The following NCAM2 variants were observed in gnomAD, a reference collection of about 807,000 sequenced individuals.
NCAM2 encodes the protein neural cell adhesion molecule 2.
Under a neutral mutation model 98.1 loss-of-function variants are expected in NCAM2, and 30 were observed. The ratio of observed to expected loss-of-function variants is 0.31; its 90% CI spans 0.23 to 0.41. The LOEUF (loss-of-function observed/expected upper bound fraction) is 0.41. Among genes scored for constraint, NCAM2 ranks in the 10% least tolerant of loss-of-function variants. The pLI, the probability that NCAM2 is intolerant of heterozygous loss-of-function variation, is 1.00. For missense variants in NCAM2, 867 were observed against 1,005.8 expected (o/e 0.86, Z 1.87); for synonymous variants, 368 against 342.4 (o/e 1.07, Z -0.83).
chr21:21,513,680 T>G (rs953732742), intron 16 of NCAM2, among the ~76,000 whole-genome samples: 2 of 152,166 alleles, frequency 1.3e-5, no homozygotes, highest in East Asian at 3.8e-4. Context: ...AAAACGTGGA[T>G]GAAATGTTCT....
chr21:21,405,498 A>G (rs541016467), intron 9 of NCAM2, among the ~76,000 whole-genome samples: 3 of 152,174 alleles, frequency 2.0e-5, no homozygotes, highest in African/African-American at 4.8e-5. Flanking sequence ...AATAAAAAGT[A>G]TAATTTAAAA....
chr21:21,452,979 T>C (rs1174832109), intron 12 of NCAM2, among the ~76,000 whole-genome samples: 1 of 90,746 alleles, frequency 1.1e-5, no homozygotes, highest in Non-Finnish European at 2.0e-5. Flanking sequence ...TATTATTATA[T>C]ATTATATATT....
chr21:21,037,005 CA>C (rs2064813720), intron 1 of NCAM2, among the ~76,000 whole-genome samples: 1 of 152,134 alleles, frequency 6.6e-6, no homozygotes, highest in Non-Finnish European at 1.5e-5. Flanking sequence ...CACTAAATAG[CA>C]ATAGATGTCA....
chr21:21,178,866 A>C (rs1022980977), intron 1 of NCAM2, among the ~76,000 whole-genome samples: 2 of 152,012 alleles, frequency 1.3e-5, no homozygotes, highest in Non-Finnish European at 2.9e-5. Flanking sequence ...GCTTGAAGAG[A>C]CTATACATTT....
intron 8 of NCAM2, among the ~76,000 whole-genome samples, chr21:21,344,227 A>G (rs1602050044): frequency 6.6e-6 from 1 of 152,196 alleles, no homozygotes; most frequent in African/African-American, 2.4e-5. Context: ...TGGGCCCTGA[A>G]TAATCCACAG....
chr21:21,470,703 C>A (rs1984332724), intron 14 of NCAM2, among the ~76,000 whole-genome samples: 1 of 152,006 alleles, frequency 6.6e-6, no homozygotes, highest in Non-Finnish European at 1.5e-5. Flanking sequence ...CCAACCCTTT[C>A]TAACTCCAGA....
chr21:21,406,695 A>T (rs2076744824), intron 9 of NCAM2, among the ~76,000 whole-genome samples: 1 of 152,206 alleles, frequency 6.6e-6, no homozygotes, highest in African/African-American at 2.4e-5. Context: ...ATAAAAATTA[A>T]TTCTTCCAAT....
chr21:21,471,315 C>T (rs1163028076), intron 14 of NCAM2, among the ~76,000 whole-genome samples: 1 of 151,932 alleles, frequency 6.6e-6, no homozygotes, highest in African/African-American at 2.4e-5. Flanking sequence ...CAACATCATG[C>T]TCTGAGGATC....
At chr21:21,279,866 G>A (rs139161386) in intron 1 of NCAM2, among the ~76,000 whole-genome samples, 1,641 of 152,310 alleles carry the variant, frequency 0.011, 19 homozygotes, top group Admixed American at 0.019. Flanking sequence ...GTGAGACGGA[G>A]TTTGGAAAGT....
intron 5 of NCAM2, among the ~76,000 whole-genome samples, chr21:21,320,784 A>G (rs974105467): frequency 1.3e-5 from 2 of 152,142 alleles, no homozygotes; most frequent in Non-Finnish European, 2.9e-5. Flanking sequence ...ATTGTCAAAG[A>G]TGTAAATTGA....
At chr21:21,005,590 T>G (rs976224101) in intron 1 of NCAM2, among the ~76,000 whole-genome samples, 8 of 152,154 alleles carry the variant, frequency 5.3e-5, no homozygotes, top group African/African-American at 1.9e-4. Flanking sequence ...CACTTTTATT[T>G]GTCATCTGTC....
intron 1 of NCAM2, among the ~76,000 whole-genome samples, chr21:21,215,582 G>T (rs2069860916): frequency 6.6e-6 from 1 of 152,030 alleles, no homozygotes; most frequent in Non-Finnish European, 1.5e-5. Context: ...AACAAAATTA[G>T]CCGGGCGTGG....
chr21:21,234,828 G>A (rs762848024), intron 1 of NCAM2, among the ~76,000 whole-genome samples: 5 of 151,888 alleles, frequency 3.3e-5, no homozygotes, highest in South Asian at 4.1e-4. Context: ...TGCTGTTACC[G>A]TGCTGAGAAT....
At chr21:21,164,686 T>G (rs1601542092) in intron 1 of NCAM2, among the ~76,000 whole-genome samples, 1 of 152,250 alleles carries the variant, frequency 6.6e-6, no homozygotes, top group East Asian at 1.9e-4. Context: ...TAAGTTTAAG[T>G]TAATTTATTG....
At chr21:21,229,792 G>A (rs1568802910) in intron 1 of NCAM2, among the ~76,000 whole-genome samples, 1 of 151,318 alleles carries the variant, frequency 6.6e-6, no homozygotes, top group African/African-American at 2.4e-5. Context: ...TGGACTGGTA[G>A]TATGGAAGCG....
chr21:21,104,972 G>T (rs539814995), intron 1 of NCAM2, among the ~76,000 whole-genome samples: 1 of 152,212 alleles, frequency 6.6e-6, no homozygotes, highest in African/African-American at 2.4e-5. Context: ...CAACAACCCT[G>T]TGTGTGAGCT....
chr21:21,444,799 AT>A, intron 12 of NCAM2, among the ~76,000 whole-genome samples: 1 of 151,948 alleles, frequency 6.6e-6, no homozygotes, highest in Admixed American at 6.6e-5. Context: ...GGATTCATTG[AT>A]TTTTTGGAGT....
chr21:21,152,867 C>T (rs368369470), intron 1 of NCAM2, among the ~76,000 whole-genome samples: 3 of 152,080 alleles, frequency 2.0e-5, no homozygotes, highest in Middle Eastern at 3.4e-3. Context: ...TATGTAGCCT[C>T]CTGTTCTATA....
chr21:21,467,979 C>T (rs896097902), intron 13 of NCAM2, among the ~76,000 whole-genome samples: 7 of 152,018 alleles, frequency 4.6e-5, no homozygotes, highest in Admixed American at 4.6e-4. Context: ...GTCTGTTTTT[C>T]TTGGCCCTTC....
Sources: gnomAD v4.1 joint callset for allele counts (sites outside exome capture counted in the v4.1 genomes callset) on GRCh38, gnomAD v4.1.1 for gene constraint, MANE v1.5 for transcripts, NCBI Gene and HGNC (gene_info 2026-07-23, HGNC 2026-07-21) for gene names.